KLHL20: variants seen among roughly 807,000 people sequenced by gnomAD.
The protein encoded by KLHL20 is kelch-like protein 20.
Under a neutral mutation model 69.5 loss-of-function variants are expected in KLHL20, and 29 were observed. The observed-to-expected ratio is 0.42, with a 90% CI of 0.31 to 0.57. KLHL20 has a LOEUF of 0.57. Among genes scored for constraint, KLHL20 ranks in the 20% least tolerant of loss-of-function variants. The probability of loss-of-function intolerance (pLI) is 0.18; values close to 1 mark genes in which losing one functional copy is unlikely to be tolerated. For synonymous variants in KLHL20, 253 were observed against 265.2 expected (o/e 0.95, Z 0.45); for missense variants, 419 against 776.0 (o/e 0.54, Z 5.47).
chr1:173,722,514 A>C (rs571118292), intron 2 of KLHL20, among the ~76,000 whole-genome samples: 1 of 152,132 alleles, frequency 6.6e-6, no homozygotes, highest in East Asian at 2.0e-4. Flanking sequence ...CCTCCTCAGG[A>C]GGCTGAGGTG....
intron 8 of KLHL20, among the ~76,000 whole-genome samples, chr1:173,771,892 A>G (rs1648116868): frequency 6.6e-6 from 1 of 152,202 alleles, no homozygotes; most frequent in African/African-American, 2.4e-5. Context: ...TTGGAGTGAT[A>G]ATATTGCTAT....
At chr1:173,719,099 C>T (rs1241045509) in intron 2 of KLHL20, among the ~76,000 whole-genome samples, 38 of 45,908 alleles carry the variant, frequency 8.3e-4, no homozygotes, top group South Asian at 2.8e-3. Flanking sequence ...AGCGGGACTC[C>T]GTCTCAAAAA....
chr1:173,716,124 T>C, intron 2 of KLHL20, 58 bp downstream of exon 2: 10 of 1,532,194 alleles, frequency 6.5e-6, no homozygotes, highest in South Asian at 2.3e-5. Flanking sequence ...CATGTAATAA[T>C]TTAAATTTTT....
At chr1:173,760,951 A>C (rs1647249456) in intron 7 of KLHL20, among the ~76,000 whole-genome samples, 1 of 152,220 alleles carries the variant, frequency 6.6e-6, no homozygotes, top group Non-Finnish European at 1.5e-5. Flanking sequence ...ACAGAACCGC[A>C]GAATGGATAA....
chr1:173,774,249 T>A, intron 8 of KLHL20, 56 bp from the exon 9 acceptor site: 1 of 1,607,990 alleles, frequency 6.2e-7, no homozygotes, highest in Non-Finnish European at 8.5e-7. Flanking sequence ...TCAGATCTTA[T>A]GAAAAAGGCT....
chr1:173,758,505 C>A (rs529146255), intron 7 of KLHL20, among the ~76,000 whole-genome samples: 3 of 152,116 alleles, frequency 2.0e-5, no homozygotes, highest in Non-Finnish European at 4.4e-5. Context: ...CTGAAGAAAG[C>A]GGACTGCTCC....
At chr1:173,731,729 G>A (rs1400000672) in intron 2 of KLHL20, among the ~76,000 whole-genome samples, 1 of 123,880 alleles carries the variant, frequency 8.1e-6, no homozygotes, top group Non-Finnish European at 1.7e-5. Context: ...TTGGGGGAGG[G>A]GGGAGGGATA....
chr1:173,726,440 C>CCCACTG (rs764179278), intron 2 of KLHL20, among the ~76,000 whole-genome samples: 60 of 152,290 alleles, frequency 3.9e-4, no homozygotes, highest in South Asian at 1.7e-3. Context: ...TGAAAACGGA[C>CCCACTG]AGACTGCCTC....
At chr1:173,724,696 T>G (rs1180822567) in intron 2 of KLHL20, among the ~76,000 whole-genome samples, 1 of 152,160 alleles carries the variant, frequency 6.6e-6, no homozygotes, top group Non-Finnish European at 1.5e-5. Flanking sequence ...TCCCAGCTAC[T>G]TAGGGGGCTG....
chr1:173,768,904 C>G (rs961837660), intron 8 of KLHL20, among the ~76,000 whole-genome samples: 1 of 152,106 alleles, frequency 6.6e-6, no homozygotes, highest in Non-Finnish European at 1.5e-5. Context: ...CAGGAGAAAT[C>G]AGAAAGAAGC....
At chr1:173,775,404 T>C (rs1648391988) in intron 9 of KLHL20, among the ~76,000 whole-genome samples, 1 of 152,104 alleles carries the variant, frequency 6.6e-6, no homozygotes, top group South Asian at 2.1e-4. Context: ...AGAACCAGAG[T>C]ATCTGGATCC....
chr1:173,755,259 A>G (rs1218980550), intron 5 of KLHL20, among the ~76,000 whole-genome samples: 4 of 152,054 alleles, frequency 2.6e-5, no homozygotes, highest in Non-Finnish European at 4.4e-5. Context: ...GGGTTTCACC[A>G]TATTGGCCAG....
At chr1:173,721,741 A>T (rs1671726127) in intron 2 of KLHL20, among the ~76,000 whole-genome samples, 1 of 152,208 alleles carries the variant, frequency 6.6e-6, no homozygotes, top group Admixed American at 6.5e-5. Context: ...TCTGGTGTGG[A>T]ATCAGGTGTG....
At chr1:173,770,090 A>G (rs1296230869) in intron 8 of KLHL20, among the ~76,000 whole-genome samples, 2 of 152,150 alleles carry the variant, frequency 1.3e-5, no homozygotes, top group East Asian at 3.8e-4. Flanking sequence ...GATTCCATAC[A>G]AAGTTAATAT....
At chr1:173,724,641 TA>T (rs1671870109) in intron 2 of KLHL20, among the ~76,000 whole-genome samples, 1 of 152,148 alleles carries the variant, frequency 6.6e-6, no homozygotes, top group Non-Finnish European at 1.5e-5. Context: ...AATATGAATA[TA>T]AGATACAAAT....
chr1:173,736,240 C>T (rs1477151242), intron 3 of KLHL20, among the ~76,000 whole-genome samples: 1 of 152,032 alleles, frequency 6.6e-6, no homozygotes, highest in African/African-American at 2.4e-5. Context: ...AGGCGTGAGT[C>T]ACTGTTCCTG....
At chr1:173,782,078 C>A in intron 10 of KLHL20, 46 bp from the exon 11 acceptor site, 1 of 1,315,192 alleles carries the variant, frequency 7.6e-7, no homozygotes, top group Non-Finnish European at 1.1e-6. Flanking sequence ...AATTTCCTTA[C>A]GATTGTCTAG....
At chr1:173,766,061 T>C (rs1473977437) in intron 7 of KLHL20, 85 bp from the exon 8 acceptor site, 4 of 1,088,452 alleles carry the variant, frequency 3.7e-6, no homozygotes, top group Non-Finnish European at 5.0e-6. Context: ...ATATATATCA[T>C]ATAAATCCAT....
At position 173,743,069 on chromosome 1, in the gene KLHL20, A is replaced by C. The variant is rs190541222; in HGVS notation, c.598-8695A>C. The stretch of plus-strand genomic sequence containing the variant: ...CATCCAAATTTAATCAGAAAAAAAA[A>C]CATGAAAAATACAATGGAAAAATAA... On this transcript the variant is annotated intron_variant, in intron 3 of 11. Transcript: ENST00000209884. Among the ~76,000 whole-genome samples the C allele has an allele frequency of 3.8e-3, 575 of 151,792 alleles. 4 individuals carry two copies. The highest frequency in any genetic ancestry group is 0.012 in the African/African-American group (489 of 41,448).
Sources: gnomAD v4.1 joint callset for allele counts (sites outside exome capture counted in the v4.1 genomes callset) on GRCh38, gnomAD v4.1.1 for gene constraint, MANE v1.5 for transcripts, NCBI Gene and HGNC (gene_info 2026-07-23, HGNC 2026-07-21) for gene names.